Variants in FAM20B observed in about 807,000 individuals in gnomAD.
The protein encoded by FAM20B is FAM20B glycosaminoglycan xylosylkinase.
A neutral mutation model predicts 43.8 loss-of-function variants in FAM20B; 23 were observed. The ratio of observed to expected loss-of-function variants is 0.53; its 90% CI spans 0.38 to 0.74. The LOEUF (loss-of-function observed/expected upper bound fraction) is 0.74, where lower values mean the gene tolerates loss of function less well. Ranked by LOEUF, FAM20B falls within the 30% of genes least tolerant of loss-of-function variation. The probability of loss-of-function intolerance (pLI) is 0.00; values close to 1 mark genes in which losing one functional copy is unlikely to be tolerated. For missense variants in FAM20B, 440 were observed against 510.5 expected, an observed-to-expected ratio of 0.86 and a Z score of 1.33; for synonymous variants, 178 against 192.4, an observed-to-expected ratio of 0.93 and a Z score of 0.62.
the FAM20B span, among the ~76,000 whole-genome samples, chr1:179,019,581 G>A: frequency 6.6e-5 from 10 of 151,984 alleles, no homozygotes; most frequent in South Asian, 1.9e-3. Context: ...TCCTGCCTCA[G>A]CCTCCCGAGT....
chr1:179,023,483 C>T (rs1414152449), upstream of FAM20B, among the ~76,000 whole-genome samples: 1 of 152,154 alleles, frequency 6.6e-6, no homozygotes, highest in Non-Finnish European at 1.5e-5. Context: ...GTGCTCAGAC[C>T]TCCTTAATTG....
chr1:179,041,355 G>A (rs1188000360), intron 1 of FAM20B, among the ~76,000 whole-genome samples: 2 of 152,156 alleles, frequency 1.3e-5, no homozygotes, highest in African/African-American at 4.8e-5. Flanking sequence ...CTGCACTCCA[G>A]CCTGGGCACC....
intron 3 of FAM20B, among the ~76,000 whole-genome samples, chr1:179,050,692 T>A (rs556439234): frequency 6.6e-6 from 1 of 152,380 alleles, no homozygotes; most frequent in African/African-American, 2.4e-5. Flanking sequence ...GGTCTAGCCA[T>A]CCTGTTGTTT....
At chr1:179,034,279 CCAGGGCCCAGA>C (rs1650128340) in intron 1 of FAM20B, among the ~76,000 whole-genome samples, 1 of 152,142 alleles carries the variant, frequency 6.6e-6, no homozygotes, top group Non-Finnish European at 1.5e-5. Context: ...TCTCTTAAGA[CCAGGGCCCAGA>C]ACTGGCACAC....
chr1:179,076,227 T>C lies in FAM20B; in HGVS notation c.*4083T>C, dbSNP rs1229898116. 1 of 152,088 alleles carries C rather than the reference T, an allele frequency of 6.6e-6. No homozygotes were observed. Among genetic ancestry groups the C allele is most frequent in the Non-Finnish European group, 1.5e-5 (1 of 68,028 alleles). The allele number at this position is 152,088 out of a possible 1,614,324, so 9.4% of individuals were successfully genotyped here. ...CTCATCCTACAGGGGAAGGCCAGTT[T>C]TTTTCCCTTCAATTCCTCAAGTCTG... On this transcript the variant is annotated 3_prime_UTR_variant, in exon 8 of 8. Coordinates refer to ENST00000263733, the MANE Select transcript of FAM20B (RefSeq NM_014864.4).
At chr1:179,017,354 CAGA>C in the FAM20B span, among the ~76,000 whole-genome samples, 4 of 152,176 alleles carry the variant, frequency 2.6e-5, no homozygotes, top group Non-Finnish European at 5.9e-5. Context: ...GGTTTCAACT[CAGA>C]AGGAGAATGT....
At chr1:179,040,632 C>T (rs1650459503) in intron 1 of FAM20B, among the ~76,000 whole-genome samples, 1 of 140,870 alleles carries the variant, frequency 7.1e-6, no homozygotes, top group Non-Finnish European at 1.5e-5. Flanking sequence ...GCGCCCCTCA[C>T]CTCCCGGACG....
At chr1:179,047,938 A>G (rs1414610884) in intron 2 of FAM20B, among the ~76,000 whole-genome samples, 1 of 152,236 alleles carries the variant, frequency 6.6e-6, no homozygotes, top group Non-Finnish European at 1.5e-5. Context: ...CCTTTCTCTG[A>G]AAGCCACTTG....
chr1:179,025,650 G>A (rs189956335), upstream of FAM20B, among the ~76,000 whole-genome samples: 15 of 152,194 alleles, frequency 9.9e-5, no homozygotes, highest in Non-Finnish European at 1.8e-4. Context: ...AGTGAGAAGT[G>A]AGAGGCCAGT....
intron 3 of FAM20B, among the ~76,000 whole-genome samples, chr1:179,051,521 G>A (rs144342399): frequency 1.3e-5 from 2 of 152,154 alleles, no homozygotes; most frequent in Admixed American, 1.3e-4. Flanking sequence ...CAACTAGTGG[G>A]GAGGCTGAGG....
At chr1:179,019,690 G>A in the FAM20B span, among the ~76,000 whole-genome samples, 10,291 of 152,116 alleles carry the variant, frequency 0.068, 396 homozygotes, top group African/African-American at 0.087. Flanking sequence ...TCAAACTCCC[G>A]ACCTCAGGTG....
At chr1:179,060,386 G>A (rs1275607347) in intron 4 of FAM20B, among the ~76,000 whole-genome samples, 2 of 152,270 alleles carry the variant, frequency 1.3e-5, no homozygotes, top group East Asian at 1.9e-4. Flanking sequence ...CCTGGGCTGC[G>A]GAATAGTACC....
At chr1:179,063,761 T>C (rs1453051132) in intron 4 of FAM20B, among the ~76,000 whole-genome samples, 166 bp from the exon 5 acceptor site, 1 of 152,220 alleles carries the variant, frequency 6.6e-6, no homozygotes, top group Non-Finnish European at 1.5e-5. Context: ...CACCGTGTGC[T>C]TTTTTATTAC....
At chr1:179,030,878 C>T (rs1181581959) in intron 1 of FAM20B, among the ~76,000 whole-genome samples, 1 of 127,954 alleles carries the variant, frequency 7.8e-6, no homozygotes, top group Non-Finnish European at 1.7e-5. Flanking sequence ...ACAGATGTGC[C>T]AAAAAAAAAA....
intron 4 of FAM20B, among the ~76,000 whole-genome samples, chr1:179,059,004 G>T (rs1288472218): frequency 6.6e-6 from 1 of 152,162 alleles, no homozygotes; most frequent in South Asian, 2.1e-4. Context: ...GAAAGATAAT[G>T]AATTTAATCT....
intron 4 of FAM20B, among the ~76,000 whole-genome samples, chr1:179,063,698 A>T (rs1284010901): frequency 1.3e-5 from 2 of 152,244 alleles, no homozygotes; most frequent in Non-Finnish European, 2.9e-5. Context: ...ACAGGAGGCA[A>T]GGGCAACTTA....
intron 3 of FAM20B, among the ~76,000 whole-genome samples, chr1:179,050,578 T>C (rs1650963866): frequency 6.6e-6 from 1 of 152,238 alleles, no homozygotes; most frequent in African/African-American, 2.4e-5. Context: ...CATGCTTCTT[T>C]AGGTCATTTC....
At chr1:179,051,665 G>C (rs1219986982) in intron 3 of FAM20B, among the ~76,000 whole-genome samples, 1 of 151,724 alleles carries the variant, frequency 6.6e-6, no homozygotes, top group Non-Finnish European at 1.5e-5. Flanking sequence ...TTTTTTTTCT[G>C]AGACAGAGTC....
At chr1:179,034,908 A>T (rs1650155457) in intron 1 of FAM20B, among the ~76,000 whole-genome samples, 1 of 152,242 alleles carries the variant, frequency 6.6e-6, no homozygotes, top group Non-Finnish European at 1.5e-5. Context: ...AATTAGAAAC[A>T]CAAGAAGTGA....
Sources: gnomAD v4.1 joint callset for allele counts (sites outside exome capture counted in the v4.1 genomes callset) on GRCh38, gnomAD v4.1.1 for gene constraint, MANE v1.5 for transcripts, NCBI Gene and HGNC (gene_info 2026-07-23, HGNC 2026-07-21) for gene names.